The following LELP1 variants were observed in gnomAD, a reference collection of about 807,000 sequenced individuals.
LELP1 encodes late cornified envelope-like proline-rich protein 1.
LELP1 carries 1 observed loss-of-function variant against 0.3 expected under a neutral mutation model. That is an observed-to-expected ratio of 2.87 (90% CI 1.02 to 13.63). LELP1 has a LOEUF of 13.63. Ranked by LOEUF, LELP1 falls within the 30% of genes most tolerant of loss-of-function variation. The pLI is 0.12. For synonymous variants in LELP1, 57 were observed against 45.9 expected, an observed-to-expected ratio of 1.24 and a Z score of -0.97; for missense variants, 122 against 118.7, an observed-to-expected ratio of 1.03 and a Z score of -0.13.
At position 153,205,020 on chromosome 1, in the gene LELP1, A is replaced by C; in HGVS notation, c.*16A>C. The C allele has an allele frequency of 6.3e-7, 1 of 1,589,122 alleles. No individual in the cohort carries two copies. The highest frequency in any genetic ancestry group is 8.6e-7 in the Non-Finnish European group (1 of 1,159,832). On this transcript the variant is annotated 3_prime_UTR_variant, in exon 2 of 2. Coordinates refer to ENST00000368747, the MANE Select transcript of LELP1 (RefSeq NM_001010857.3). ...CCCAGAGTGAGGCACTGTGGGCACT[A>C]CCCAACCCCACCACCACTGCCACCT... is the stretch of plus-strand genomic sequence containing the variant.
chr1:153,204,661 A>C, intron 1 of LELP1, 26 bp from the exon 2 acceptor site: 1 of 1,541,204 alleles, frequency 6.5e-7, no homozygotes, highest in South Asian at 1.1e-5. Context: ...TCTCCCACCT[A>C]CAATGCATCT....
At position 153,204,873 on chromosome 1, in the gene LELP1, C is replaced by T. The variant is rs1014143425; in HGVS notation, c.166C>T (p.Pro56Ser). The T allele has an allele frequency of 1.2e-6, 2 of 1,614,190 alleles. No individual in the cohort carries two copies. The highest frequency in any genetic ancestry group is 1.7e-6 in the Non-Finnish European group (2 of 1,180,010). The stretch of plus-strand genomic sequence containing the variant: ...CCCATGGGAAAAGTGTCCAGCACCA[C>T]CCAAGTGCCTGCCCTGCCCCTCGCA... ...KCPWEKCPAP[P>S]KCLPCPSQSP... The change falls in exon 2 of 2, where the codon CCC becomes TCC. Residue 56 changes from proline (P) to serine (S), a missense_variant. Coordinates refer to ENST00000368747, the MANE Select transcript of LELP1 (RefSeq NM_001010857.3).
chr1:153,204,687 G>A lies in LELP1; in HGVS notation c.-21G>A. On this transcript the variant is annotated splice_region_variant and 5_prime_UTR_variant, in exon 2 of 2. Coordinates refer to ENST00000368747, the MANE Select transcript of LELP1 (RefSeq NM_001010857.3). ...CAATGCATCTCATATTTCTTTGCAGGGCTCAGATAATCAAGAAACAATGTC... is the reference window on the plus strand; with the variant it reads ...CAATGCATCTCATATTTCTTTGCAGAGCTCAGATAATCAAGAAACAATGTC... 1.9e-6 allele frequency: 3 copies of A among 1,608,488 alleles called. No homozygotes were observed. Among genetic ancestry groups the A allele is most frequent in the Non-Finnish European group, 2.6e-6 (3 of 1,175,366 alleles).
rs745880079 is a variant in LELP1, at chr1:153,204,706, CA to C, written c.1del. 6.2e-7 allele frequency: 1 copy of C among 1,612,588 alleles called. No individual in the cohort carries two copies. Among genetic ancestry groups the C allele is most frequent in the African/African-American group, 1.3e-5 (1 of 74,918 alleles). On this transcript the variant is annotated 5_prime_UTR_variant, in exon 2 of 2. Coordinates refer to ENST00000368747, the MANE Select transcript of LELP1 (RefSeq NM_001010857.3). ...TTGCAGGGCTCAGATAATCAAGAAA[CA>C]ATGTCGAGTGATGATAAAAGTAAAT...
At position 153,204,760 on chromosome 1, in the gene LELP1, A is replaced by G. The variant is rs1657715883; in HGVS notation, c.53A>G (p.Asn18Ser). The G allele has an allele frequency of 1.2e-5, 19 of 1,614,116 alleles. No individual in the cohort carries two copies. Among genetic ancestry groups the G allele is most frequent in the Non-Finnish European group, 1.6e-5 (19 of 1,179,956 alleles). Residue 18 changes from asparagine to serine, a missense_variant, in exon 2 of 2, where the codon AAC becomes AGC. Physicochemically the swap from Asn to Ser is conservative, Grantham distance 46. Coordinates refer to ENST00000368747, the MANE Select transcript of LELP1 (RefSeq NM_001010857.3). ...KSNDPKTEPK[N>S]CDPKCEQKCE... ...AATGACCCCAAGACTGAGCCCAAGA[A>G]CTGCGATCCCAAGTGTGAACAAAAG...
chr1:153,204,742 C>A lies in LELP1; in HGVS notation c.35C>A (p.Pro12His), dbSNP rs1328156303. ...GATGATAAAAGTAAATCAAATGACCCCAAGACTGAGCCCAAGAACTGCGAT... is the reference window on the plus strand; with the variant it reads ...GATGATAAAAGTAAATCAAATGACCACAAGACTGAGCCCAAGAACTGCGAT... Reference protein sequence around the residue: ...SSDDKSKSNDPKTEPKNCDPK... With the variant: ...SSDDKSKSNDHKTEPKNCDPK... Residue 12 changes from proline (P) to histidine (H), a missense_variant, in exon 2 of 2, where the codon CCC becomes CAC. Transcript: ENST00000368747. 3.1e-6 allele frequency: 5 copies of A among 1,613,908 alleles called. No homozygotes were observed. The highest frequency in any genetic ancestry group is 4.2e-6 in the Non-Finnish European group (5 of 1,179,962).
intron 1 of LELP1, among the ~76,000 whole-genome samples, chr1:153,203,954 C>A (rs1405345880): frequency 1.3e-5 from 2 of 152,154 alleles, no homozygotes; most frequent in African/African-American, 4.8e-5. Flanking sequence ...CTGAAAATCA[C>A]ATTTTGTGGC....
At position 153,204,890 on chromosome 1, in the gene LELP1, C is replaced by T; in HGVS notation, c.183C>T (p.Cys61=). The part of the protein sequence containing the change: ...KCPAPPKCLP[C]PSQSPSSCPP... ...CAGCACCACCCAAGTGCCTGCCCTG[C>T]CCCTCGCAGTCTCCTTCATCCTGCC... The change falls in exon 2 of 2, where the codon TGC becomes TGT. Residue 61 remains cysteine, a synonymous_variant. Coordinates refer to ENST00000368747, the MANE Select transcript of LELP1 (RefSeq NM_001010857.3). 2 of 1,614,068 alleles carry T rather than the reference C, an allele frequency of 1.2e-6. No individual in the cohort carries two copies. Among genetic ancestry groups the T allele is most frequent in the Non-Finnish European group, 1.7e-6 (2 of 1,179,942 alleles).
chr1:153,205,114 T>C lies in LELP1; in HGVS notation c.*110T>C, dbSNP rs904652205. ...CTGACAAGTAAACGTGTTCCTCTGC[T>C]GTGCAAGACTTCTCCTGGTGTTTCT... On this transcript the variant is annotated 3_prime_UTR_variant, in exon 2 of 2. Transcript: ENST00000368747. The C allele has an allele frequency of 2.5e-6, 2 of 808,834 alleles. No individual in the cohort carries two copies. The highest frequency in any genetic ancestry group is 2.0e-6 in the Non-Finnish European group (1 of 505,462). The allele number at this position is 808,834 out of a possible 1,614,324, so 50.1% of individuals were successfully genotyped here.
chr1:153,204,417 G>A (rs917038878), intron 1 of LELP1, among the ~76,000 whole-genome samples: 1 of 152,174 alleles, frequency 6.6e-6, no homozygotes, highest in Non-Finnish European at 1.5e-5. Flanking sequence ...GTGGGGTGGG[G>A]GAGGTGGGGG....
chr1:153,204,793 C>A lies in LELP1; in HGVS notation c.86C>A (p.Ser29Tyr). ...CCCAAGTGTGAACAAAAGTGTGAGTCCAAATGCCAGCCCAGCTGTTTAAAG... is the reference window on the plus strand; with the variant it reads ...CCCAAGTGTGAACAAAAGTGTGAGTACAAATGCCAGCCCAGCTGTTTAAAG... The part of the protein sequence containing the change: ...CDPKCEQKCE[S>Y]KCQPSCLKKL... Residue 29 changes from serine (S) to tyrosine (Y), a missense_variant, in exon 2 of 2, where the codon TCC (serine) becomes TAC (tyrosine). Coordinates refer to ENST00000368747, the MANE Select transcript of LELP1 (RefSeq NM_001010857.3). The A allele has an allele frequency of 6.2e-7, 1 of 1,614,096 alleles. No individual in the cohort carries two copies. Among genetic ancestry groups the A allele is most frequent in the Non-Finnish European group, 8.5e-7 (1 of 1,179,978 alleles).
At chr1:153,204,162 T>G (rs866007378) in intron 1 of LELP1, among the ~76,000 whole-genome samples, 5 of 152,092 alleles carry the variant, frequency 3.3e-5, no homozygotes, top group African/African-American at 9.7e-5. Flanking sequence ...ATTCTCAAGG[T>G]TCAGGGAACT....
At chr1:153,203,698 G>C (rs1285256255) in intron 1 of LELP1, among the ~76,000 whole-genome samples, 167 bp downstream of exon 1, 1 of 152,184 alleles carries the variant, frequency 6.6e-6, no homozygotes, top group Non-Finnish European at 1.5e-5. Flanking sequence ...CCTTGGAATA[G>C]AGTCTCAACA....
chr1:153,204,377 A>G (rs1322304763), intron 1 of LELP1, among the ~76,000 whole-genome samples: 1 of 152,166 alleles, frequency 6.6e-6, no homozygotes, highest in African/African-American at 2.4e-5. Context: ...GGAGTTACAG[A>G]GACACCAACT....
chr1:153,204,032 A>G (rs1028770061), intron 1 of LELP1, among the ~76,000 whole-genome samples: 7 of 152,200 alleles, frequency 4.6e-5, no homozygotes, highest in African/African-American at 9.7e-5. Flanking sequence ...CCCTTACCCT[A>G]TTATTTATCA....
In LELP1 at chr1:153,204,792, T is replaced by C. The variant is rs1007757126; in HGVS notation, c.85T>C (p.Ser29Pro). The C allele has an allele frequency of 6.2e-7, 1 of 1,613,762 alleles. No homozygotes were observed. Among genetic ancestry groups the C allele is most frequent in the Non-Finnish European group, 8.5e-7 (1 of 1,179,954 alleles). Reference protein sequence around the residue: ...CDPKCEQKCESKCQPSCLKKL... With the variant: ...CDPKCEQKCEPKCQPSCLKKL... ...TCCCAAGTGTGAACAAAAGTGTGAG[T>C]CCAAATGCCAGCCCAGCTGTTTAAA... The change falls in exon 2 of 2, where the codon TCC becomes CCC. Residue 29 changes from serine (S) to proline (P), a missense_variant. Coordinates refer to ENST00000368747, the MANE Select transcript of LELP1 (RefSeq NM_001010857.3).
intron 1 of LELP1, among the ~76,000 whole-genome samples, chr1:153,204,223 G>A (rs936891236): frequency 6.6e-5 from 10 of 152,222 alleles, no homozygotes; most frequent in Non-Finnish European, 1.0e-4. Flanking sequence ...AAGTCTGCTA[G>A]TGTACCTCCC....
intron 1 of LELP1, 31 bp from the exon 2 acceptor site, chr1:153,204,656 C>G (rs866266902): frequency 3.9e-5 from 57 of 1,475,980 alleles, no homozygotes; most frequent in Non-Finnish European, 5.3e-5. Flanking sequence ...TATCCTCTCC[C>G]ACCTACAATG....
At chr1:153,204,566 T>A (rs1160370165) in intron 1 of LELP1, 121 bp from the exon 2 acceptor site, 1 of 729,648 alleles carries the variant, frequency 1.4e-6, no homozygotes, top group African/African-American at 1.8e-5. Context: ...CGGCCCTAAA[T>A]GAGAAGATGA....
Sources: allele counts gnomAD v4.1 joint callset (sites outside exome capture counted in the v4.1 genomes callset), GRCh38; gene constraint gnomAD v4.1.1; transcripts MANE v1.5; gene names NCBI Gene and HGNC (gene_info 2026-07-23, HGNC 2026-07-21).